The following NRG3 variants were observed in gnomAD, a reference collection of about 807,000 sequenced individuals.
The protein encoded by NRG3 is neuregulin 3.
NRG3 carries 31 observed loss-of-function variants against 66.9 expected under a neutral mutation model. That is an observed-to-expected ratio of 0.46 (90% CI 0.35 to 0.63). The LOEUF (loss-of-function observed/expected upper bound fraction) is 0.63. Among genes scored for constraint, NRG3 ranks in the 20% least tolerant of loss-of-function variants. The probability of loss-of-function intolerance (pLI) is 0.00; values close to 1 mark genes in which losing one functional copy is unlikely to be tolerated. For synonymous variants in NRG3, 393 were observed against 359.4 expected, an observed-to-expected ratio of 1.09 and a Z score of -1.06; for missense variants, 910 against 878.9, an observed-to-expected ratio of 1.04 and a Z score of -0.45.
At chr10:82,611,470 C>T (rs1445344457) in intron 2 of NRG3, among the ~76,000 whole-genome samples, 1 of 152,000 alleles carries the variant, frequency 6.6e-6, no homozygotes, top group Non-Finnish European at 1.5e-5. Context: ...ACCCTGTGTC[C>T]ATGTGTTCTC....
intron 1 of NRG3, among the ~76,000 whole-genome samples, chr10:82,032,211 C>G (rs2062602640): frequency 6.6e-6 from 1 of 151,474 alleles, no homozygotes. Flanking sequence ...GTTGATGGAC[C>G]TGCAAACTTC....
chr10:82,650,112 T>C (rs2051291865), intron 2 of NRG3, among the ~76,000 whole-genome samples: 1 of 152,166 alleles, frequency 6.6e-6, no homozygotes, highest in African/African-American at 2.4e-5. Context: ...AGTGAAAACC[T>C]AAACAACCAA....
At chr10:82,410,259 A>C (rs536141100) in intron 2 of NRG3, among the ~76,000 whole-genome samples, 1 of 152,174 alleles carries the variant, frequency 6.6e-6, no homozygotes, top group Non-Finnish European at 1.5e-5. Context: ...TTGGAGGCCG[A>C]GGTGGATCTT....
intron 2 of NRG3, among the ~76,000 whole-genome samples, chr10:82,527,582 G>A (rs1210538223): frequency 2.6e-5 from 4 of 152,232 alleles, no homozygotes; most frequent in Admixed American, 2.0e-4. Context: ...ACTATTTTAG[G>A]GTTCATAGGT....
At chr10:82,020,210 G>T (rs1374832865) in intron 1 of NRG3, among the ~76,000 whole-genome samples, 2 of 152,144 alleles carry the variant, frequency 1.3e-5, no homozygotes, top group African/African-American at 4.8e-5. Context: ...GTGTCAATCA[G>T]AACAGAGCCA....
chr10:82,003,805 A>G (rs1052013615), intron 1 of NRG3, among the ~76,000 whole-genome samples: 29 of 152,062 alleles, frequency 1.9e-4, no homozygotes, highest in Non-Finnish European at 1.0e-4. Context: ...CAGCAGAGAA[A>G]TAGCATGGTT....
chr10:82,479,960 T>A (rs1319661823), intron 2 of NRG3, among the ~76,000 whole-genome samples: 1 of 152,136 alleles, frequency 6.6e-6, no homozygotes, highest in Non-Finnish European at 1.5e-5. Context: ...AGAGCGAGAC[T>A]GCGTCTCAAA....
chr10:82,173,780 G>A (rs1373748149), intron 1 of NRG3, among the ~76,000 whole-genome samples: 1 of 151,470 alleles, frequency 6.6e-6, no homozygotes, highest in Non-Finnish European at 1.5e-5. Context: ...TAACTAAAAG[G>A]CATGCTCCAA....
chr10:82,059,456 T>G (rs1208933938), intron 1 of NRG3, among the ~76,000 whole-genome samples: 3 of 152,092 alleles, frequency 2.0e-5, no homozygotes, highest in Non-Finnish European at 4.4e-5. Context: ...CTAAGCTTTT[T>G]TCTTGAGCAA....
At chr10:82,440,559 A>G (rs1249236981) in intron 2 of NRG3, among the ~76,000 whole-genome samples, 1 of 152,028 alleles carries the variant, frequency 6.6e-6, no homozygotes, top group Admixed American at 6.6e-5. Context: ...TTCAGAAGCT[A>G]TGAGATGTGG....
chr10:82,612,231 G>C (rs2048359187), intron 2 of NRG3, among the ~76,000 whole-genome samples: 1 of 152,156 alleles, frequency 6.6e-6, no homozygotes. Context: ...TCACTCTAAT[G>C]ATAGTTTCTT....
At chr10:82,407,950 T>C (rs2087659119) in intron 2 of NRG3, among the ~76,000 whole-genome samples, 1 of 151,046 alleles carries the variant, frequency 6.6e-6, no homozygotes, top group Non-Finnish European at 1.5e-5. Context: ...GTGCCTCTAG[T>C]GCCAGCTACT....
Position 82,885,568 on chromosome 10 carries a change from C to A in NRG3, c.1054+20131C>A, listed in dbSNP as rs533095805. On this transcript the variant is annotated intron_variant, in intron 4 of 8. Transcript: ENST00000372141. ...AAAGTGAGACTGAAGTAATTAAGAC[C>A]AAATATAAATTTTGTCCTATGTCAA... is the stretch of plus-strand genomic sequence containing the variant. 9.9e-5 allele frequency among the ~76,000 whole-genome samples: 15 copies of A among 152,180 alleles called. No homozygotes were observed. In the East Asian group the frequency reaches 2.9e-3, roughly 29 times the overall value.
intron 4 of NRG3, among the ~76,000 whole-genome samples, chr10:82,887,550 C>T (rs963662298): frequency 2.6e-5 from 4 of 152,156 alleles, no homozygotes; most frequent in Non-Finnish European, 4.4e-5. Flanking sequence ...AAGCATGACA[C>T]GTATAAATCA....
chr10:82,343,757 T>C (rs981117623), intron 1 of NRG3, among the ~76,000 whole-genome samples: 5 of 152,140 alleles, frequency 3.3e-5, no homozygotes, highest in African/African-American at 1.2e-4. Context: ...AACTAACCAC[T>C]GCTCAAATCC....
At chr10:82,563,349 T>A (rs948336962) in intron 2 of NRG3, among the ~76,000 whole-genome samples, 1 of 152,102 alleles carries the variant, frequency 6.6e-6, no homozygotes, top group Non-Finnish European at 1.5e-5. Context: ...CGGGAGTTCT[T>A]AACTAAAAAA....
chr10:82,706,706 A>G (rs2134345229), intron 2 of NRG3, among the ~76,000 whole-genome samples: 1 of 152,320 alleles, frequency 6.6e-6, no homozygotes, highest in African/African-American at 2.4e-5. Context: ...AGAAATATAA[A>G]TTTGAGGTTG....
intron 2 of NRG3, among the ~76,000 whole-genome samples, chr10:82,473,967 A>T (rs911054177): frequency 6.6e-5 from 10 of 152,156 alleles, no homozygotes; most frequent in Non-Finnish European, 1.3e-4. Context: ...CTTAGATAAA[A>T]TAAGACATTT....
intron 1 of NRG3, among the ~76,000 whole-genome samples, chr10:81,966,827 A>G (rs1039723190): frequency 8.5e-5 from 13 of 152,144 alleles, no homozygotes; most frequent in African/African-American, 3.1e-4. Flanking sequence ...CTTTTAGATC[A>G]TTAGTTGTAT....
Sources: allele counts gnomAD v4.1 joint callset (sites outside exome capture counted in the v4.1 genomes callset), GRCh38; gene constraint gnomAD v4.1.1; transcripts MANE v1.5; gene names NCBI Gene and HGNC (gene_info 2026-07-23, HGNC 2026-07-21).